MYOCD: variants seen among roughly 807,000 people sequenced by gnomAD.
The protein encoded by MYOCD is myocardin.
In MYOCD, 32 loss-of-function variants were observed where a neutral mutation model predicts 96.1. The observed-to-expected ratio is 0.33, with a 90% confidence interval of 0.25 to 0.45. The LOEUF (loss-of-function observed/expected upper bound fraction) is 0.45, where lower values mean the gene tolerates loss of function less well. Ranked by LOEUF, MYOCD falls within the 20% of genes least tolerant of loss-of-function variation. The pLI, the probability that MYOCD is intolerant of heterozygous loss-of-function variation, is 1.00. For missense variants in MYOCD, 1,133 were observed against 1,200.6 expected, an observed-to-expected ratio of 0.94 and a Z score of 0.83; for synonymous variants, 469 against 469.0, an observed-to-expected ratio of 1.00 and a Z score of 0.00.
chr17:12,698,843 C>T (rs1335617273), intron 1 of MYOCD, among the ~76,000 whole-genome samples: 8 of 146,018 alleles, frequency 5.5e-5, no homozygotes, highest in South Asian at 2.3e-4. Context: ...CCCCGGTTCA[C>T]GCCATTCTCC....
chr17:12,755,733 G>A (rs140631004), intron 10 of MYOCD, among the ~76,000 whole-genome samples: 18 of 152,276 alleles, frequency 1.2e-4, no homozygotes, highest in South Asian at 2.1e-4. Context: ...TTAGCCGGGC[G>A]TGGTGGCACG....
intron 9 of MYOCD, among the ~76,000 whole-genome samples, chr17:12,748,822 G>A (rs922070457): frequency 6.6e-6 from 1 of 152,068 alleles, no homozygotes; most frequent in Non-Finnish European, 1.5e-5. Flanking sequence ...AAATCTAAAA[G>A]AAAATGATAA....
intron 5 of MYOCD, among the ~76,000 whole-genome samples, chr17:12,735,861 C>T (rs1210300740): frequency 6.6e-6 from 1 of 152,140 alleles, no homozygotes; most frequent in Non-Finnish European, 1.5e-5. Flanking sequence ...CCTTACCTTC[C>T]CCAGTTTAGT....
intron 1 of MYOCD, among the ~76,000 whole-genome samples, chr17:12,678,729 T>C (rs1277987521): frequency 1.3e-5 from 2 of 152,174 alleles, no homozygotes; most frequent in African/African-American, 2.4e-5. Context: ...GGAGTCTCAC[T>C]CTGTCACCCA....
chr17:12,722,415 T>C (rs182609222), intron 4 of MYOCD, among the ~76,000 whole-genome samples: 1 of 152,360 alleles, frequency 6.6e-6, no homozygotes, highest in African/African-American at 2.4e-5. Flanking sequence ...CAGCATTGAC[T>C]AGTCCAAAAT....
chr17:12,709,506 C>CATTT (rs2031413683), intron 2 of MYOCD, among the ~76,000 whole-genome samples: 1 of 152,192 alleles, frequency 6.6e-6, no homozygotes, highest in African/African-American at 2.4e-5. Flanking sequence ...AGACCAGGTG[C>CATTT]ATTTACAATG....
Position 12,739,573 on chromosome 17 carries a change from T to C in MYOCD, c.717+245T>C, listed in dbSNP as rs11657113. Reference sequence around the variant, plus strand: ...GGTTTGCATTTCTTTGGAATCACAGTCCAGCCAGCACGTTCCCCACTTAAA... The same window carrying C: ...GGTTTGCATTTCTTTGGAATCACAGCCCAGCCAGCACGTTCCCCACTTAAA... On this transcript the variant is annotated intron_variant, in intron 7 of 13. Transcript: ENST00000425538. Among the ~76,000 whole-genome samples, 78,580 of 152,114 alleles carry C rather than the reference T, an allele frequency of 0.52. 20,424 individuals carry two copies. The highest frequency in any genetic ancestry group is 0.64 in the East Asian group (3,319 of 5,180).
intron 5 of MYOCD, among the ~76,000 whole-genome samples, chr17:12,735,482 A>G (rs1469224728): frequency 3.3e-5 from 5 of 152,146 alleles, no homozygotes; most frequent in Admixed American, 6.5e-5. Context: ...CAAAATAGAC[A>G]CAAAGATATG....
intron 13 of MYOCD, chr17:12,762,097 G>A (rs945029036): frequency 6.6e-6 from 1 of 152,250 alleles, no homozygotes; most frequent in African/African-American, 2.4e-5. Context: ...CCAGTTGTAG[G>A]TCTGACCTCA....
intron 1 of MYOCD, among the ~76,000 whole-genome samples, chr17:12,683,551 TCACACATACACAGATACA>T (rs2029927325): frequency 6.6e-6 from 1 of 152,228 alleles, no homozygotes; most frequent in African/African-American, 2.4e-5. Flanking sequence ...TGAAAATTAC[TCACACATACACAGATACA>T]CACACATACA....
chr17:12,723,990 T>G (rs1364625982), intron 5 of MYOCD, among the ~76,000 whole-genome samples: 1 of 152,146 alleles, frequency 6.6e-6, no homozygotes, highest in Non-Finnish European at 1.5e-5. Context: ...AATATGAAAA[T>G]ATCAACTCCA....
At chr17:12,723,940 C>T (rs1294135870) in intron 5 of MYOCD, among the ~76,000 whole-genome samples, 4 of 152,146 alleles carry the variant, frequency 2.6e-5, no homozygotes, top group Non-Finnish European at 5.9e-5. Context: ...TCTCACCCTG[C>T]GATTCAGAGG....
At chr17:12,732,108 G>A (rs1162362362) in intron 5 of MYOCD, among the ~76,000 whole-genome samples, 3 of 152,090 alleles carry the variant, frequency 2.0e-5, no homozygotes, top group African/African-American at 7.2e-5. Context: ...TCATATTTGG[G>A]GCCTTGGCAC....
intron 1 of MYOCD, among the ~76,000 whole-genome samples, chr17:12,670,197 C>T (rs1909618777): frequency 6.6e-6 from 1 of 152,152 alleles, no homozygotes; most frequent in South Asian, 2.1e-4. Flanking sequence ...AAAGCAGGTA[C>T]TCAAGAGGCT....
At chr17:12,735,844 G>A (rs1043369856) in intron 5 of MYOCD, among the ~76,000 whole-genome samples, 4 of 152,090 alleles carry the variant, frequency 2.6e-5, no homozygotes, top group African/African-American at 9.7e-5. Flanking sequence ...AGCATTCCCT[G>A]TTCTTTCCTT....
chr17:12,762,072 T>TTGCA (rs2033194132), intron 13 of MYOCD: 1 of 152,260 alleles, frequency 6.6e-6, no homozygotes, highest in Admixed American at 6.5e-5. Flanking sequence ...CTGGGTTGTT[T>TTGCA]TGCAGTCTTA....
Position 12,708,908 on chromosome 17 carries a change from T to G in MYOCD, c.121+3715T>G, listed in dbSNP as rs564398508. 2.0e-5 allele frequency among the ~76,000 whole-genome samples: 3 copies of G among 152,294 alleles called. No individual in the cohort carries two copies. The East Asian group carries it at 5.8e-4, about 29-fold the overall frequency. Reference sequence around the variant, plus strand: ...GCTTGGCCTTTAAAACCACTTATATTGCTATCATAAGGCATTTTATGGCCA... The same window carrying G: ...GCTTGGCCTTTAAAACCACTTATATGGCTATCATAAGGCATTTTATGGCCA... On this transcript the variant is annotated intron_variant, in intron 2 of 13. Coordinates refer to ENST00000425538, the MANE Select transcript of MYOCD (RefSeq NM_001146312.3).
intron 1 of MYOCD, among the ~76,000 whole-genome samples, chr17:12,686,143 CTT>C (rs1356001911): frequency 3.3e-5 from 5 of 152,196 alleles, no homozygotes; most frequent in Non-Finnish European, 5.9e-5. Context: ...ATGGGAAAAA[CTT>C]GAGATTAAGA....
At chr17:12,717,569 T>A in intron 4 of MYOCD, 148 bp downstream of exon 4, 1 of 653,274 alleles carries the variant, frequency 1.5e-6, no homozygotes, top group Non-Finnish European at 2.6e-6. Context: ...CATCTAAGCC[T>A]TCTAGGCCAC....
Sources: gnomAD v4.1 joint callset for allele counts (sites outside exome capture counted in the v4.1 genomes callset) on GRCh38, gnomAD v4.1.1 for gene constraint, MANE v1.5 for transcripts, NCBI Gene and HGNC (gene_info 2026-07-23, HGNC 2026-07-21) for gene names.